The following TLN2 variants were observed in gnomAD, a reference collection of about 807,000 sequenced individuals.
TLN2 encodes talin 2.
A neutral mutation model predicts 294.7 loss-of-function variants in TLN2; 118 were observed. The observed-to-expected ratio is 0.40, with a 90% confidence interval of 0.34 to 0.47. The LOEUF (loss-of-function observed/expected upper bound fraction) is 0.47, where lower values mean the gene tolerates loss of function less well. Among genes scored for constraint, TLN2 ranks in the 20% least tolerant of loss-of-function variants. The pLI, the probability that TLN2 is intolerant of heterozygous loss-of-function variation, is 0.84. For missense variants in TLN2, 3,083 were observed against 3,282.2 expected (o/e 0.94, Z 1.48); for synonymous variants, 1,431 against 1,304.5 (o/e 1.10, Z -2.09).
chr15:62,722,324 C>T, intron 25 of TLN2, 29 bp from the exon 26 acceptor site: 1 of 1,587,826 alleles, frequency 6.3e-7, no homozygotes, highest in Non-Finnish European at 8.6e-7. Context: ...GCCCAGGAGC[C>T]ATCTTACTTT....
At chr15:62,757,360 G>C (rs2062345127) in intron 37 of TLN2, among the ~76,000 whole-genome samples, 1 of 152,198 alleles carries the variant, frequency 6.6e-6, no homozygotes, top group Admixed American at 6.5e-5. Flanking sequence ...GGAGGTAAGG[G>C]TGGAAAGAGC....
At chr15:62,608,012 G>A (rs371831565) in intron 2 of TLN2, among the ~76,000 whole-genome samples, 88 of 152,288 alleles carry the variant, frequency 5.8e-4, no homozygotes, top group African/African-American at 2.0e-3. Context: ...AGGCTTTTGC[G>A]AAGGACATGT....
chr15:62,611,032 C>A (rs2047872195), intron 2 of TLN2, among the ~76,000 whole-genome samples: 1 of 152,188 alleles, frequency 6.6e-6, no homozygotes, highest in Non-Finnish European at 1.5e-5. Context: ...TATTTTCCCA[C>A]CTGATGGCTC....
intron 2 of TLN2, among the ~76,000 whole-genome samples, chr15:62,616,068 A>G (rs1277336416): frequency 6.6e-6 from 1 of 152,222 alleles, no homozygotes; most frequent in Non-Finnish European, 1.5e-5. Context: ...TTTAAGCTCT[A>G]AATGGTGTCT....
intron 1 of TLN2, among the ~76,000 whole-genome samples, chr15:62,417,840 TC>T (rs2034174517): frequency 6.6e-6 from 1 of 152,210 alleles, no homozygotes; most frequent in Non-Finnish European, 1.5e-5. Flanking sequence ...TGTCAGGCCT[TC>T]CCCTCCCTTT....
chr15:62,590,435 G>A (rs1356070909), intron 2 of TLN2, among the ~76,000 whole-genome samples: 1 of 152,120 alleles, frequency 6.6e-6, no homozygotes, highest in African/African-American at 2.4e-5. Context: ...TTCTGTTCCT[G>A]TATTAGTTTA....
intron 1 of TLN2, among the ~76,000 whole-genome samples, chr15:62,531,325 A>G (rs1490644537): frequency 1.3e-5 from 2 of 152,246 alleles, no homozygotes; most frequent in Non-Finnish European, 2.9e-5. Context: ...GGTACAGAAA[A>G]ACAAGTACCA....
At chr15:62,438,802 A>T (rs1381487744) in intron 1 of TLN2, among the ~76,000 whole-genome samples, 1 of 152,140 alleles carries the variant, frequency 6.6e-6, no homozygotes, top group South Asian at 2.1e-4. Context: ...TGCTCAGGTG[A>T]TCCCAAGGAC....
At chr15:62,404,714 G>A (rs921789500) in intron 1 of TLN2, among the ~76,000 whole-genome samples, 1 of 151,310 alleles carries the variant, frequency 6.6e-6, no homozygotes, top group Admixed American at 6.6e-5. Context: ...CAAGGGGGGC[G>A]TGGATTATTC....
intron 1 of TLN2, among the ~76,000 whole-genome samples, chr15:62,484,886 T>A (rs2038305900): frequency 6.6e-6 from 1 of 152,170 alleles, no homozygotes; most frequent in Non-Finnish European, 1.5e-5. Flanking sequence ...CAAATGACCT[T>A]AAACTTGTGA....
chr15:62,757,326 T>C (rs573138860), intron 37 of TLN2, among the ~76,000 whole-genome samples: 4 of 152,330 alleles, frequency 2.6e-5, no homozygotes, highest in African/African-American at 9.6e-5. Context: ...TTGCTGTGTT[T>C]GCAGGGCTTG....
chr15:62,402,452 C>A (rs1263226293), intron 1 of TLN2, among the ~76,000 whole-genome samples: 1 of 152,162 alleles, frequency 6.6e-6, no homozygotes, highest in Non-Finnish European at 1.5e-5. Context: ...TGTCCATCAT[C>A]CCTTTCTTGT....
chr15:62,582,458 A>T (rs951551475), intron 1 of TLN2, among the ~76,000 whole-genome samples: 92 of 152,222 alleles, frequency 6.0e-4, no homozygotes, highest in Non-Finnish European at 2.8e-4. Flanking sequence ...AAATACAGAC[A>T]TGTAAATAGA....
chr15:62,483,065 C>T (rs757282250), intron 1 of TLN2, among the ~76,000 whole-genome samples: 4 of 152,222 alleles, frequency 2.6e-5, no homozygotes, highest in Non-Finnish European at 5.9e-5. Context: ...GCCCAGTTCC[C>T]TTCCTCTGTT....
chr15:62,788,266 G>T (rs917919313), intron 45 of TLN2, among the ~76,000 whole-genome samples: 1 of 151,810 alleles, frequency 6.6e-6, no homozygotes, highest in African/African-American at 2.4e-5. Context: ...AGCCAAGATC[G>T]CACCATTGTA....
chr15:62,419,145 G>C (rs888885212), intron 1 of TLN2, among the ~76,000 whole-genome samples: 1 of 151,924 alleles, frequency 6.6e-6, no homozygotes, highest in African/African-American at 2.4e-5. Context: ...CAAAGGCTTG[G>C]CAAACAAAAA....
Position 62,833,602 on chromosome 15 carries a change from C to T in TLN2, c.7101C>T (p.Ala2367=), listed in dbSNP as rs746355612. 6.2e-7 allele frequency: 1 copy of T among 1,614,052 alleles called. No individual in the cohort carries two copies. Among genetic ancestry groups the T allele is most frequent in the East Asian group, 2.2e-5 (1 of 44,886 alleles). The part of the protein sequence containing the change: ...TSALVKSASA[A]QRELVAQGKV... The stretch of plus-strand genomic sequence containing the variant: ...CCCTGGTCAAATCGGCCTCAGCAGC[C>T]CAGAGGGAGCTGGTGGCCCAAGGAA... The change falls in exon 55 of 59, where the codon GCC becomes GCT. Residue 2367 remains alanine (A), a synonymous_variant. Transcript: ENST00000636159.
rs1021331164 is a variant in TLN2, at chr15:62,840,806, C to A, written c.*196C>A. 2 of 699,950 alleles carry A rather than the reference C, an allele frequency of 2.9e-6. No individual in the cohort carries two copies. The highest frequency in any genetic ancestry group is 1.8e-5 in the African/African-American group (1 of 55,202). 43.4% of individuals were successfully genotyped at this position (699,950 alleles called of 1,614,324 possible). A position where few individuals can be genotyped will look rare whatever the true frequency, so the allele number is the denominator to read the frequency against. On this transcript the variant is annotated 3_prime_UTR_variant, in exon 59 of 59. Transcript: ENST00000636159. ...ATCGTGATGTCACACGGTACAATGT[C>A]CTACCCACAACTCCTCTGCCGCCTC...
At chr15:62,401,335 G>C (rs2033003508) in intron 1 of TLN2, among the ~76,000 whole-genome samples, 2 of 152,148 alleles carry the variant, frequency 1.3e-5, no homozygotes, top group South Asian at 4.1e-4. Context: ...TATCACCCAG[G>C]CTGGAGTGCC....
Sources: allele counts gnomAD v4.1 joint callset (sites outside exome capture counted in the v4.1 genomes callset), GRCh38; gene constraint gnomAD v4.1.1; transcripts MANE v1.5; gene names NCBI Gene and HGNC (gene_info 2026-07-23, HGNC 2026-07-21).